CNTNAP2: variants seen among roughly 807,000 people sequenced by gnomAD.
CNTNAP2 encodes contactin associated protein 2.
A neutral mutation model predicts 155.2 loss-of-function variants in CNTNAP2; 98 were observed. The ratio of observed to expected loss-of-function variants is 0.63; its 90% CI spans 0.54 to 0.75. The LOEUF (loss-of-function observed/expected upper bound fraction) is 0.75, where lower values mean the gene tolerates loss of function less well. Ranked by LOEUF, CNTNAP2 falls within the 30% of genes least tolerant of loss-of-function variation. The pLI, the probability that CNTNAP2 is intolerant of heterozygous loss-of-function variation, is 0.00. For synonymous variants in CNTNAP2, 651 were observed against 631.2 expected, an observed-to-expected ratio of 1.03 and a Z score of -0.47; for missense variants, 1,727 against 1,688.1, an observed-to-expected ratio of 1.02 and a Z score of -0.40.
At chr7:147,530,645 A>G (rs1271606720) in intron 11 of CNTNAP2, among the ~76,000 whole-genome samples, 2 of 152,126 alleles carry the variant, frequency 1.3e-5, no homozygotes, top group Non-Finnish European at 2.9e-5. Context: ...CCCTCCTACA[A>G]CACATGGGAA....
At chr7:147,774,679 C>T (rs1409716978) in intron 13 of CNTNAP2, among the ~76,000 whole-genome samples, 1 of 152,156 alleles carries the variant, frequency 6.6e-6, no homozygotes, top group Non-Finnish European at 1.5e-5. Context: ...GCCATCTGCA[C>T]ATAAGGGAGA....
At chr7:147,456,829 G>T (rs1422415099) in intron 10 of CNTNAP2, among the ~76,000 whole-genome samples, 2 of 152,154 alleles carry the variant, frequency 1.3e-5, no homozygotes, top group Admixed American at 6.5e-5. Context: ...CATATTAATG[G>T]CTGGAATCAA....
intron 9 of CNTNAP2, among the ~76,000 whole-genome samples, chr7:147,322,357 T>A (rs1795368236): frequency 6.6e-6 from 1 of 152,214 alleles, no homozygotes; most frequent in East Asian, 1.9e-4. Context: ...CTATATTTGA[T>A]ATTAAACAGT....
intron 3 of CNTNAP2, among the ~76,000 whole-genome samples, chr7:146,982,011 A>G (rs1258928517): frequency 6.6e-6 from 1 of 152,178 alleles, no homozygotes; most frequent in African/African-American, 2.4e-5. Flanking sequence ...TTTCAATAGA[A>G]GTTTATTAAT....
intron 10 of CNTNAP2, among the ~76,000 whole-genome samples, chr7:147,408,880 GATT>G (rs993891297): frequency 6.6e-6 from 1 of 152,196 alleles, no homozygotes; most frequent in Non-Finnish European, 1.5e-5. Flanking sequence ...CACTTGTTCT[GATT>G]ACCTGGGCAG....
chr7:147,758,014 T>C (rs1638576529), intron 13 of CNTNAP2, among the ~76,000 whole-genome samples: 1 of 152,174 alleles, frequency 6.6e-6, no homozygotes, highest in South Asian at 2.1e-4. Context: ...ATAGAAAAAC[T>C]GTGATGAAAG....
chr7:147,892,082 A>G (rs1799705545), intron 13 of CNTNAP2, among the ~76,000 whole-genome samples: 1 of 152,044 alleles, frequency 6.6e-6, no homozygotes, highest in Non-Finnish European at 1.5e-5. Flanking sequence ...AAAATTTAGT[A>G]TTGATTCATG....
intron 1 of CNTNAP2, among the ~76,000 whole-genome samples, chr7:146,129,470 G>A (rs1010973185): frequency 3.3e-5 from 5 of 152,124 alleles, no homozygotes; most frequent in Admixed American, 3.3e-4. Context: ...AACCATGCTA[G>A]CTACTCAAGC....
At chr7:148,267,206 G>T (rs117516091) in intron 21 of CNTNAP2, 80 bp downstream of exon 21, 1 of 1,269,140 alleles carries the variant, frequency 7.9e-7, no homozygotes. Context: ...AAAACTATCA[G>T]GTAAATTTCT....
chr7:147,482,656 G>A (rs1464861630), intron 10 of CNTNAP2, among the ~76,000 whole-genome samples: 2 of 151,934 alleles, frequency 1.3e-5, no homozygotes, highest in African/African-American at 4.8e-5. Flanking sequence ...AGGAGGCAGA[G>A]CTTGCAGTGA....
chr7:147,008,702 A>G (rs931580900), intron 3 of CNTNAP2, among the ~76,000 whole-genome samples: 2 of 151,800 alleles, frequency 1.3e-5, no homozygotes, highest in African/African-American at 4.8e-5. Flanking sequence ...AAAACAAAAG[A>G]AAAGGACTTT....
rs574379254 is a variant in CNTNAP2 at position 148,234,084 on chromosome 7, T to C, written c.3381+4305T>C. Reference sequence around the variant, plus strand: ...GAGTCAATTAAACCTCTTTTCTTTATAAATTACCCAGTCTCAGGTAGTTCT... The same window carrying C: ...GAGTCAATTAAACCTCTTTTCTTTACAAATTACCCAGTCTCAGGTAGTTCT... On this transcript the variant is annotated intron_variant, in intron 20 of 23. Transcript: ENST00000361727. Among the ~76,000 whole-genome samples, 9 of 152,360 alleles carry C rather than the reference T, an allele frequency of 5.9e-5. 1 individual carries two copies. The South Asian group carries it at 1.4e-3, about 25-fold the overall frequency.
chr7:148,104,598 C>T (rs1344173445), intron 15 of CNTNAP2, among the ~76,000 whole-genome samples: 1 of 152,112 alleles, frequency 6.6e-6, no homozygotes, highest in Non-Finnish European at 1.5e-5. Flanking sequence ...AAAATGGAAA[C>T]TTAATGCTAT....
At chr7:146,432,021 C>A (rs1326132816) in intron 1 of CNTNAP2, among the ~76,000 whole-genome samples, 1 of 152,010 alleles carries the variant, frequency 6.6e-6, no homozygotes, top group Non-Finnish European at 1.5e-5. Context: ...ATCTTGTGGT[C>A]CTACTGAAAA....
chr7:147,401,985 T>G (rs940141298), intron 10 of CNTNAP2, among the ~76,000 whole-genome samples: 13 of 152,206 alleles, frequency 8.5e-5, no homozygotes, highest in African/African-American at 2.9e-4. Flanking sequence ...AGGCTTAAAT[T>G]TTGCGTTCAT....
intron 8 of CNTNAP2, among the ~76,000 whole-genome samples, chr7:147,294,468 T>A (rs1055313913): frequency 2.0e-5 from 3 of 152,184 alleles, no homozygotes; most frequent in Non-Finnish European, 4.4e-5. Flanking sequence ...AAGTTTCCCA[T>A]ATCACTGTAT....
chr7:147,724,521 A>G (rs1404001622), intron 13 of CNTNAP2, among the ~76,000 whole-genome samples: 1 of 152,076 alleles, frequency 6.6e-6, no homozygotes, highest in Admixed American at 6.6e-5. Context: ...TTTAAGTGAC[A>G]GCTAGATTCA....
intron 12 of CNTNAP2, among the ~76,000 whole-genome samples, chr7:147,594,653 A>G (rs1800796105): frequency 1.3e-5 from 2 of 152,100 alleles, no homozygotes; most frequent in African/African-American, 4.8e-5. Context: ...ATTCACTACA[A>G]CTGAGAGTTA....
intron 4 of CNTNAP2, among the ~76,000 whole-genome samples, chr7:147,045,253 G>A (rs927518664): frequency 6.6e-6 from 1 of 152,032 alleles, no homozygotes; most frequent in African/African-American, 2.4e-5. Context: ...ACAAAAATGA[G>A]TTCACACTAA....
Sources: allele counts gnomAD v4.1 joint callset (sites outside exome capture counted in the v4.1 genomes callset), GRCh38; gene constraint gnomAD v4.1.1; transcripts MANE v1.5; gene names NCBI Gene and HGNC (gene_info 2026-07-23, HGNC 2026-07-21).